Variants in GABRA3 observed in about 807,000 individuals in gnomAD.
GABRA3 encodes gamma-aminobutyric acid type A receptor subunit alpha3, also known as gamma-aminobutyric acid receptor subunit alpha-3.
GABRA3 carries 10 observed loss-of-function variants against 30.1 expected under a neutral mutation model. The observed-to-expected ratio is 0.33, with a 90% CI of 0.20 to 0.56. The LOEUF (loss-of-function observed/expected upper bound fraction) is 0.56, where lower values mean the gene tolerates loss of function less well. GABRA3 is among the 20% of genes least tolerant of loss of function. The probability of loss-of-function intolerance (pLI) is 0.89; values close to 1 mark genes in which losing one functional copy is unlikely to be tolerated. For missense variants in GABRA3, 233 were observed against 392.0 expected (o/e 0.59, Z 3.42); for synonymous variants, 151 against 146.8 (o/e 1.03, Z -0.21).
At chrX:152,248,406 T>G (rs945492839) in intron 5 of GABRA3, among the ~76,000 whole-genome samples, 1 of 111,671 alleles carries the variant, frequency 9.0e-6, no homozygotes, top group Non-Finnish European at 1.9e-5. Context: ...TTTCATCTTC[T>G]ACTGACTTAA....
At chrX:152,414,095 T>C (rs1469663419) in intron 1 of GABRA3, among the ~76,000 whole-genome samples, 1 of 111,725 alleles carries the variant, frequency 9.0e-6, no homozygotes, top group Non-Finnish European at 1.9e-5. Context: ...CACATGCACC[T>C]ACCATAAGAC....
intron 1 of GABRA3, among the ~76,000 whole-genome samples, chrX:152,427,773 T>A (rs1930547574): frequency 8.9e-6 from 1 of 111,891 alleles, no homozygotes; most frequent in African/African-American, 3.3e-5. Context: ...GCTAAAACTT[T>A]CTGTTTCTCA....
chrX:152,207,680 T>C (rs1221746460), intron 7 of GABRA3, among the ~76,000 whole-genome samples: 1 of 111,796 alleles, frequency 8.9e-6, no homozygotes, highest in African/African-American at 3.3e-5. Context: ...TCCCCCACCA[T>C]GGCCTTCATC....
rs753864030 is a variant in GABRA3, at chrX:152,188,105, G to T, written c.1143+1625C>A. Among the ~76,000 whole-genome samples the T allele has an allele frequency of 1.2e-4, 13 of 111,113 alleles. No individual in the cohort carries two copies. In the East Asian group the frequency reaches 3.7e-3, roughly 32 times the overall value. On this transcript the variant is annotated intron_variant, in intron 9 of 9. Transcript: ENST00000370314. ...TGGGAAGGTGGGGGGAAGAAGGAGG[G>T]AGAGGATCATTAAAAATAACTCATG...
At chrX:152,199,024 A>G (rs936888346) in intron 7 of GABRA3, among the ~76,000 whole-genome samples, 1 of 111,448 alleles carries the variant, frequency 9.0e-6, no homozygotes, top group African/African-American at 3.3e-5. Flanking sequence ...CTTAGAAGAG[A>G]GCACCATGTG....
chrX:152,226,202 C>T (rs193290134), intron 5 of GABRA3, among the ~76,000 whole-genome samples: 6 of 111,518 alleles, frequency 5.4e-5, no homozygotes, highest in South Asian at 3.8e-4. Flanking sequence ...AGAAAATATC[C>T]GCAGGCTATT....
At chrX:152,246,677 A>G (rs894819471) in intron 5 of GABRA3, among the ~76,000 whole-genome samples, 1 of 111,320 alleles carries the variant, frequency 9.0e-6, no homozygotes, top group African/African-American at 3.3e-5. Context: ...GACTTACACC[A>G]TTATTTCCTT....
intron 6 of GABRA3, among the ~76,000 whole-genome samples, chrX:152,219,158 T>A (rs1243252600): frequency 5.4e-5 from 6 of 111,512 alleles, no homozygotes; most frequent in Non-Finnish European, 9.5e-5. Flanking sequence ...AGTCCTTCCT[T>A]GATTCTCTTC....
intron 5 of GABRA3, among the ~76,000 whole-genome samples, chrX:152,246,299 A>C (rs181605672): frequency 1.8e-5 from 2 of 111,913 alleles, no homozygotes; most frequent in African/African-American, 6.5e-5. Flanking sequence ...CCTGGAGACC[A>C]GTTTCTTGCT....
At chrX:152,208,223 T>C in intron 6 of GABRA3, 79 bp from the exon 7 acceptor site, 1 of 1,051,235 alleles carries the variant, frequency 9.5e-7, no homozygotes, top group Non-Finnish European at 1.3e-6. Context: ...TCAAATGAGA[T>C]CGAAATAAAA....
intron 3 of GABRA3, among the ~76,000 whole-genome samples, chrX:152,285,167 G>A (rs180793267): frequency 1.8e-3 from 207 of 112,084 alleles, no homozygotes; most frequent in African/African-American, 6.6e-3. Context: ...GTGGGAGAAA[G>A]TAATATGTGT....
At chrX:152,272,291 T>G (rs150244901) in intron 4 of GABRA3, among the ~76,000 whole-genome samples, 4 of 112,422 alleles carry the variant, frequency 3.6e-5, no homozygotes, top group African/African-American at 1.3e-4. Flanking sequence ...GCCCACCTCT[T>G]GCATCGGCAT....
chrX:152,315,518 C>CA (rs1939860670), intron 3 of GABRA3, among the ~76,000 whole-genome samples: 2 of 111,399 alleles, frequency 1.8e-5, no homozygotes, highest in Non-Finnish European at 3.8e-5. Context: ...CAGGGGAAGG[C>CA]ATGAATCTGG....
intron 2 of GABRA3, among the ~76,000 whole-genome samples, chrX:152,360,298 T>C (rs867942466): frequency 9.0e-4 from 51 of 56,946 alleles, no homozygotes; most frequent in African/African-American, 3.4e-3. Context: ...GTAAAAGTGT[T>C]CCTATTTCTC....
chrX:152,447,692 A>T (rs1214288196), intron 1 of GABRA3, among the ~76,000 whole-genome samples: 1 of 112,598 alleles, frequency 8.9e-6, no homozygotes, highest in African/African-American at 3.2e-5. Flanking sequence ...CAAACATTTT[A>T]TCTGTCACAA....
At chrX:152,172,443 G>A (rs757111320) in intron 9 of GABRA3, among the ~76,000 whole-genome samples, 7 of 111,605 alleles carry the variant, frequency 6.3e-5, no homozygotes, top group Non-Finnish European at 1.3e-4. Context: ...TTCCACTTCT[G>A]AGTATATATC....
intron 1 of GABRA3, among the ~76,000 whole-genome samples, chrX:152,422,329 G>A (rs968470704): frequency 4.5e-5 from 5 of 111,026 alleles, no homozygotes; most frequent in South Asian, 3.7e-4. Context: ...AATATTATTC[G>A]ACTTATATAA....
At chrX:152,380,680 T>C (rs1014161222) in intron 1 of GABRA3, among the ~76,000 whole-genome samples, 2 of 112,215 alleles carry the variant, frequency 1.8e-5, no homozygotes, top group Non-Finnish European at 3.8e-5. Flanking sequence ...TTCTGTATCA[T>C]TTTTGATAAT....
intron 3 of GABRA3, among the ~76,000 whole-genome samples, chrX:152,287,913 G>C (rs181121095): frequency 1.8e-5 from 2 of 110,698 alleles, no homozygotes; most frequent in East Asian, 5.7e-4. Context: ...CAGTGTACCA[G>C]ATCAGCTAGC....
Sources: gnomAD v4.1 joint callset for allele counts (sites outside exome capture counted in the v4.1 genomes callset) on GRCh38, gnomAD v4.1.1 for gene constraint, MANE v1.5 for transcripts, NCBI Gene and HGNC (gene_info 2026-07-23, HGNC 2026-07-21) for gene names.